ITGBL1: variants seen among roughly 807,000 people sequenced by gnomAD.
ITGBL1 encodes integrin beta-like protein 1.
In ITGBL1, 51 loss-of-function variants were observed where a neutral mutation model predicts 68.5. The ratio of observed to expected loss-of-function variants is 0.74; its 90% confidence interval spans 0.59 to 0.94. ITGBL1 has a LOEUF of 0.94. Among genes scored for constraint, ITGBL1 ranks in the 40% least tolerant of loss-of-function variants. ITGBL1 has a pLI of 0.00. For missense variants in ITGBL1, 649 were observed against 647.4 expected, an observed-to-expected ratio of 1.00 and a Z score of -0.03; for synonymous variants, 209 against 227.3, an observed-to-expected ratio of 0.92 and a Z score of 0.72.
chr13:101,474,197 A>G (rs888519486), intron 2 of ITGBL1, among the ~76,000 whole-genome samples: 1 of 152,140 alleles, frequency 6.6e-6, no homozygotes, highest in Non-Finnish European at 1.5e-5. Context: ...TTCTGGACCC[A>G]CACTGGGCCA....
At chr13:101,561,191 C>T (rs1429028024) in intron 2 of ITGBL1, among the ~76,000 whole-genome samples, 1 of 152,090 alleles carries the variant, frequency 6.6e-6, no homozygotes, top group African/African-American at 2.4e-5. Flanking sequence ...CCGGGTGCTG[C>T]AGAATTTGAG....
intron 7 of ITGBL1, among the ~76,000 whole-genome samples, chr13:101,676,888 C>A (rs548675575): frequency 3.9e-5 from 6 of 152,126 alleles, no homozygotes; most frequent in Non-Finnish European, 5.9e-5. Context: ...CACCTGTAAT[C>A]CCAGCACTTT....
At chr13:101,684,306 CCTT>C (rs1305447642) in intron 7 of ITGBL1, among the ~76,000 whole-genome samples, 8 of 151,942 alleles carry the variant, frequency 5.3e-5, no homozygotes, top group Non-Finnish European at 7.4e-5. Flanking sequence ...ATTTCTACCT[CCTT>C]CTTGTTCATA....
At position 101,646,420 on chromosome 13, in the gene ITGBL1, G is replaced by T. The variant is rs114753321; in HGVS notation, c.1016-46165G>T. Among the ~76,000 whole-genome samples the T allele has an allele frequency of 6.1e-3, 922 of 151,960 alleles. 12 individuals carry two copies. Among genetic ancestry groups the T allele is most frequent in the African/African-American group, 0.021 (867 of 41,424 alleles). ...ACCTTAAGAAATAACTTACCCAAAGGTTAAAAAAAAGTAATTAAAATGTAT... is the reference window on the plus strand; with the variant it reads ...ACCTTAAGAAATAACTTACCCAAAGTTTAAAAAAAAGTAATTAAAATGTAT... On this transcript the variant is annotated intron_variant, in intron 7 of 10. Transcript: ENST00000376180.
chr13:101,634,223 G>A (rs899798868), intron 7 of ITGBL1, among the ~76,000 whole-genome samples: 10 of 152,110 alleles, frequency 6.6e-5, no homozygotes, highest in Admixed American at 3.9e-4. Flanking sequence ...AAAACTTGGA[G>A]TACAATTTAA....
Position 101,659,960 on chromosome 13 carries a change from T to C in ITGBL1, c.1016-32625T>C, listed in dbSNP as rs934943663. On this transcript the variant is annotated intron_variant, in intron 7 of 10. Transcript: ENST00000376180. The stretch of plus-strand genomic sequence containing the variant: ...CCTCATTCACTTCTGGGTTCCTCAA[T>C]AACAGCACTACTAACATTTTGGACC... 3.3e-5 allele frequency among the ~76,000 whole-genome samples: 5 copies of C among 152,132 alleles called. No individual in the cohort carries two copies. In the East Asian group the frequency reaches 7.7e-4, roughly 23 times the overall value.
intron 6 of ITGBL1, among the ~76,000 whole-genome samples, chr13:101,590,871 A>G (rs1247061481): frequency 6.6e-6 from 1 of 152,036 alleles, no homozygotes; most frequent in Non-Finnish European, 1.5e-5. Context: ...TTAACCTTAC[A>G]TGAGGGCTGG....
intron 2 of ITGBL1, among the ~76,000 whole-genome samples, chr13:101,559,132 T>C (rs1241332293): frequency 6.6e-6 from 1 of 152,218 alleles, no homozygotes; most frequent in African/African-American, 2.4e-5. Context: ...TGCAATACTT[T>C]AATGGATACT....
intron 4 of ITGBL1, 34 bp downstream of exon 4, chr13:101,575,580 G>A (rs374197404): frequency 1.1e-4 from 182 of 1,599,358 alleles, no homozygotes; most frequent in Non-Finnish European, 1.4e-4. Flanking sequence ...ATTAATAAAA[G>A]TACCTGTTTT....
intron 7 of ITGBL1, among the ~76,000 whole-genome samples, chr13:101,681,421 A>T (rs2033637811): frequency 6.6e-6 from 1 of 152,144 alleles, no homozygotes. Context: ...CCCTTTCACA[A>T]ATGTGCAAAA....
chr13:101,484,510 A>G (rs2048673003), intron 2 of ITGBL1, among the ~76,000 whole-genome samples: 1 of 152,202 alleles, frequency 6.6e-6, no homozygotes, highest in Admixed American at 6.5e-5. Flanking sequence ...TGGGATTAAC[A>G]GCAGATTCAC....
intron 7 of ITGBL1, among the ~76,000 whole-genome samples, chr13:101,658,212 A>T (rs1447270463): frequency 6.6e-6 from 1 of 152,210 alleles, no homozygotes; most frequent in Non-Finnish European, 1.5e-5. Flanking sequence ...TTAAGTCATG[A>T]AAAAGGCTAC....
intron 7 of ITGBL1, among the ~76,000 whole-genome samples, chr13:101,680,756 T>C (rs978958959): frequency 6.6e-6 from 1 of 152,200 alleles, no homozygotes; most frequent in South Asian, 2.1e-4. Flanking sequence ...GTATTATTTT[T>C]ACTCCCATTA....
In ITGBL1 at chr13:101,618,333, A is replaced by T. The variant is rs117779505; in HGVS notation, c.1015+20034A>T. 1.7e-3 allele frequency among the ~76,000 whole-genome samples: 252 copies of T among 152,294 alleles called. 2 individuals are homozygous for T. Among genetic ancestry groups the T allele is most frequent in the Non-Finnish European group, 2.6e-3 (179 of 68,026 alleles). ...ACTTTGCAGCAATCTCCAGTTTGGG[A>T]CATATAAAGAGTTGTTCTTCGTTTT... On this transcript the variant is annotated intron_variant, in intron 7 of 10. Coordinates refer to ENST00000376180, the MANE Select transcript of ITGBL1 (RefSeq NM_004791.3).
intron 7 of ITGBL1, among the ~76,000 whole-genome samples, chr13:101,599,373 C>T (rs1193996306): frequency 6.6e-6 from 1 of 151,312 alleles, no homozygotes; most frequent in Non-Finnish European, 1.5e-5. Flanking sequence ...AAATTTTCTC[C>T]CATTCTGTAG....
intron 7 of ITGBL1, among the ~76,000 whole-genome samples, chr13:101,605,581 C>T (rs760361248): frequency 2.5e-4 from 37 of 150,748 alleles, no homozygotes; most frequent in African/African-American, 6.6e-4. Context: ...TATATATACA[C>T]GTATTTAGAC....
At chr13:101,460,452 G>A (rs898494578) in intron 2 of ITGBL1, among the ~76,000 whole-genome samples, 1 of 152,176 alleles carries the variant, frequency 6.6e-6, no homozygotes, top group Admixed American at 6.5e-5. Context: ...ACATTCATCT[G>A]TGTTCGATAA....
At chr13:101,544,452 A>C (rs9557695) in intron 2 of ITGBL1, among the ~76,000 whole-genome samples, 66,213 of 152,024 alleles carry the variant, frequency 0.44, 14,540 homozygotes, top group Middle Eastern at 0.56. Context: ...GTGAGGTGTC[A>C]GTCTGCCCCT....
chr13:101,550,212 A>G (rs1052881936), intron 2 of ITGBL1, among the ~76,000 whole-genome samples: 9 of 152,152 alleles, frequency 5.9e-5, no homozygotes, highest in African/African-American at 1.4e-4. Flanking sequence ...GTTCCAGACT[A>G]TCTTTTCATG....
Sources: gnomAD v4.1 joint callset for allele counts (sites outside exome capture counted in the v4.1 genomes callset) on GRCh38, gnomAD v4.1.1 for gene constraint, MANE v1.5 for transcripts, NCBI Gene and HGNC (gene_info 2026-07-23, HGNC 2026-07-21) for gene names.